Variants in PHLDB1 observed in about 807,000 individuals in gnomAD.
PHLDB1 encodes pleckstrin homology like domain family B member 1.
Under a neutral mutation model 139.3 loss-of-function variants are expected in PHLDB1, and 65 were observed. That is an observed-to-expected ratio of 0.47 (90% CI 0.38 to 0.57). The LOEUF is 0.57. Ranked by LOEUF, PHLDB1 falls within the 20% of genes least tolerant of loss-of-function variation. The pLI, the probability that PHLDB1 is intolerant of heterozygous loss-of-function variation, is 0.00. For missense variants in PHLDB1, 1,624 were observed against 1,839.7 expected, an observed-to-expected ratio of 0.88 and a Z score of 2.14; for synonymous variants, 679 against 734.5, an observed-to-expected ratio of 0.92 and a Z score of 1.22.
At chr11:118,614,884 C>A in intron 3 of PHLDB1, 1 of 549,868 alleles carries the variant, frequency 1.8e-6, no homozygotes, top group Non-Finnish European at 3.3e-6. Context: ...CACGACTGGG[C>A]TTAAAGATCA....
chr11:118,647,217 A>G (rs536017389), intron 17 of PHLDB1: 2 of 152,360 alleles, frequency 1.3e-5, no homozygotes, highest in Admixed American at 6.5e-5. Context: ...AAAGGACTAT[A>G]TATTAGCTGT....
intron 15 of PHLDB1, chr11:118,644,534 C>T: frequency 1.7e-6 from 1 of 572,214 alleles, no homozygotes; most frequent in Non-Finnish European, 2.7e-6. Context: ...ACCCAGGAGT[C>T]CTTGTTGCTT....
In PHLDB1 at chr11:118,627,541, G is replaced by A. The variant is rs781979180; in HGVS notation, c.718G>A (p.Gly240Ser). 15 of 1,613,894 alleles carry A rather than the reference G, an allele frequency of 9.3e-6. No homozygotes were observed. The highest frequency in any genetic ancestry group is 8.9e-5 in the East Asian group (4 of 44,868). Residue 240 changes from glycine to serine, a missense_variant, in exon 6 of 23, where the codon GGC becomes AGC. Coordinates refer to ENST00000600882, the MANE Select transcript of PHLDB1 (RefSeq NM_001144758.3). ...RYLLSPPTSP[G>S]AMSVGSSYEN... Reference sequence around the variant, plus strand: ...CCTGCTGTCTCCCCCAACCAGCCCCGGCGCCATGTCTGTGGGCTCCAGCTA... The same window carrying A: ...CCTGCTGTCTCCCCCAACCAGCCCCAGCGCCATGTCTGTGGGCTCCAGCTA...
intron 4 of PHLDB1, chr11:118,624,605 T>C: frequency 6.9e-6 from 1 of 144,948 alleles, no homozygotes; most frequent in South Asian, 2.4e-4. Flanking sequence ...TTTTTTTTTT[T>C]TTTTTTTTTT....
At position 118,650,136 on chromosome 11, in the gene PHLDB1, T is replaced by C. The variant is rs1379099212; in HGVS notation, c.3714T>C (p.His1238=). ...AGGAGGACTTTGACCTGAAGACACATATTGAGTCATCGGGCCATGGTGTTG... is the reference window on the plus strand; with the variant it reads ...AGGAGGACTTTGACCTGAAGACACACATTGAGTCATCGGGCCATGGTGTTG... The part of the protein sequence containing the change: ...IRKEDFDLKT[H]IESSGHGVDT... The change falls in exon 19 of 23, where the codon CAT becomes CAC. Residue 1238 remains histidine, a synonymous_variant. Transcript: ENST00000600882. The surrounding 1 kb of genome is among the most constrained non-coding windows in gnomAD (Gnocchi z 4.7). 1.2e-6 allele frequency: 2 copies of C among 1,614,122 alleles called. No homozygotes were observed. Among genetic ancestry groups the C allele is most frequent in the South Asian group, 2.2e-5 (2 of 91,086 alleles).
rs1170472062 is a variant in PHLDB1, at chr11:118,610,695, G to T, written c.-22+2996G>T. The stretch of plus-strand genomic sequence containing the variant: ...TGCTGGAGCCAGTCGGCCCTTCCTT[G>T]GCCTCCTTCAGGCGGGGGCCAAGAC... On this transcript the variant is annotated intron_variant, in intron 1 of 22. Transcript: ENST00000600882. The surrounding 1 kb of genome is among the most constrained non-coding windows in gnomAD (Gnocchi z 8.7). Among the ~76,000 whole-genome samples, 2 of 152,198 alleles carry T rather than the reference G, an allele frequency of 1.3e-5. No individual in the cohort carries two copies. The highest frequency in any genetic ancestry group is 2.9e-5 in the Non-Finnish European group (2 of 68,034).
At position 118,645,574 on chromosome 11, in the gene PHLDB1, C is replaced by A. The variant is rs569497108; in HGVS notation, c.3340C>A (p.Leu1114Met). ...EGEHAYDTLS[L>M]ESSDSMETSI... ...TGAGCACGCCTATGATACGCTGAGT[C>A]TGGAGAGCTCTGACAGCATGGAGAC... Residue 1114 changes from leucine (L) to methionine (M), a missense_variant, in exon 16 of 23, where the codon CTG (leucine) becomes ATG (methionine). By Grantham distance (15) the Leu-to-Met change is conservative. Coordinates refer to ENST00000600882, the MANE Select transcript of PHLDB1 (RefSeq NM_001144758.3). This position sits in a 1 kb window ranked among gnomAD's most constrained non-coding sequence, Gnocchi z 5.1. The A allele has an allele frequency of 1.9e-6, 3 of 1,613,796 alleles. No individual in the cohort carries two copies. The East Asian group carries it at 6.7e-5, about 36-fold the overall frequency.
intron 12 of PHLDB1, chr11:118,639,823 TGA>T (rs1474891939): frequency 3.1e-6 from 3 of 983,186 alleles, no homozygotes; most frequent in African/African-American, 3.6e-5. Flanking sequence ...GGGCCAAGTG[TGA>T]GGGATGCAGC....
intron 20 of PHLDB1, chr11:118,655,339 A>C (rs1555140889): frequency 9.0e-6 from 3 of 334,026 alleles, no homozygotes; most frequent in East Asian, 6.1e-5. Context: ...AGTGTGCTGT[A>C]TATTTGTTGT....
At chr11:118,639,546 G>T (rs1946186139) in intron 12 of PHLDB1, 2 of 501,808 alleles carry the variant, frequency 4.0e-6, no homozygotes, top group Admixed American at 3.2e-5. Flanking sequence ...CAGCTCAGAG[G>T]CTTGGTAGGG....
intron 5 of PHLDB1, among the ~76,000 whole-genome samples, chr11:118,626,143 C>G (rs1036836560): frequency 1.9e-4 from 29 of 152,236 alleles, no homozygotes; most frequent in African/African-American, 5.5e-4. Flanking sequence ...AGCCTGGCTT[C>G]CAGGAACCAG....
At position 118,655,705 on chromosome 11, in the gene PHLDB1, G is replaced by T. The variant is rs1948946590; in HGVS notation, c.3960+15G>T. The T allele has an allele frequency of 6.3e-7, 1 of 1,596,020 alleles. No individual in the cohort carries two copies. The highest frequency in any genetic ancestry group is 1.3e-5 in the African/African-American group (1 of 74,530). On this transcript the variant is annotated intron_variant, in intron 21 of 22. Coordinates refer to ENST00000600882, the MANE Select transcript of PHLDB1 (RefSeq NM_001144758.3). ...GTGCAGCCAAGGTCAGGGGTGGAGG[G>T]CACCAGAGGGGGGCCAGAGGGACAG...
chr11:118,651,544 T>G (rs1204742224), intron 20 of PHLDB1: 1 of 151,628 alleles, frequency 6.6e-6, no homozygotes, highest in Admixed American at 6.6e-5. Context: ...TCCCAGCACT[T>G]TTGAGAGGCC....
intron 6 of PHLDB1, chr11:118,629,949 C>A: frequency 8.1e-7 from 1 of 1,241,222 alleles, no homozygotes; most frequent in Non-Finnish European, 1.0e-6. Context: ...CCTCCCACCT[C>A]AACCAGGCTG....
At chr11:118,641,789 G>A in intron 12 of PHLDB1, 1 of 1,287,194 alleles carries the variant, frequency 7.8e-7, no homozygotes, top group Non-Finnish European at 1.0e-6. Context: ...CCTAAGGTTG[G>A]TGGTTTGTGA....
At position 118,645,625 on chromosome 11, in the gene PHLDB1, G is replaced by C; in HGVS notation, c.3391G>C (p.Ala1131Pro). 6.2e-7 allele frequency: 1 copy of C among 1,613,086 alleles called. No individual in the cohort carries two copies. The highest frequency in any genetic ancestry group is 8.5e-7 in the Non-Finnish European group (1 of 1,179,256). The change falls in exon 16 of 23, where the codon GCC becomes CCC. Residue 1131 changes from alanine (A) to proline (P), a missense_variant. By Grantham distance (27) the Ala-to-Pro change is conservative. Transcript: ENST00000600882. The surrounding 1 kb of genome is among the most constrained non-coding windows in gnomAD (Gnocchi z 5.1). ...CAGCATCTCCACCGGGGGCAACTCGGCCTGCTCCCCTGACAACATGTCCAG... is the reference window on the plus strand; with the variant it reads ...CAGCATCTCCACCGGGGGCAACTCGCCCTGCTCCCCTGACAACATGTCCAG... ...ETSISTGGNS[A>P]CSPDNMSSAS...
rs79238051 is a variant in PHLDB1 at position 118,645,122 on chromosome 11, C to T, written c.3122-234C>T. 3.4e-3 allele frequency: 1,621 copies of T among 476,666 alleles called. 16 individuals are homozygous for T. The highest frequency in any genetic ancestry group is 0.028 in the African/African-American group (1,424 of 50,308). 29.5% of individuals were successfully genotyped at this position (476,666 alleles called of 1,614,324 possible). ...TGGTGTCCTATATGGACTCAGGGTG[C>T]GAAAGAGCACTGAAGCCAGACTGTG... On this transcript the variant is annotated intron_variant, in intron 15 of 22. Coordinates refer to ENST00000600882, the MANE Select transcript of PHLDB1 (RefSeq NM_001144758.3). This position sits in a 1 kb window ranked among gnomAD's most constrained non-coding sequence, Gnocchi z 5.1.
intron 7 of PHLDB1, 23 bp from the exon 8 acceptor site, chr11:118,631,890 T>C (rs781980334): frequency 1.3e-6 from 2 of 1,591,800 alleles, no homozygotes; most frequent in Non-Finnish European, 1.7e-6. Flanking sequence ...GCTTCCTCAG[T>C]TGATAGCTTC....
chr11:118,656,676 T>C lies in PHLDB1; in HGVS notation c.3994-7T>C. ...CCATCTTAGACCTTCCTCTCTTCCT[T>C]TGGCAGAGCCCGAACCCAGCCCTCA... On this transcript the variant is annotated splice_region_variant and splice_polypyrimidine_tract_variant and intron_variant, in intron 22 of 22. Transcript: ENST00000600882. 1 of 1,612,812 alleles carries C rather than the reference T, an allele frequency of 6.2e-7. No homozygotes were observed. The highest frequency in any genetic ancestry group is 2.2e-5 in the East Asian group (1 of 44,848).
Sources: gnomAD v4.1 joint callset for allele counts (sites outside exome capture counted in the v4.1 genomes callset) on GRCh38, gnomAD v4.1.1 for gene constraint, Gnocchi (gnomAD v3.1) non-coding constraint, MANE v1.5 for transcripts, NCBI Gene and HGNC (gene_info 2026-07-23, HGNC 2026-07-21) for gene names.